Variants in SLC25A37 observed in about 807,000 individuals in gnomAD.
SLC25A37 encodes the protein solute carrier family 25 member 37, also known as mitoferrin-1.
A neutral mutation model predicts 31.0 loss-of-function variants in SLC25A37; 17 were observed. The ratio of observed to expected loss-of-function variants is 0.55; its 90% confidence interval spans 0.38 to 0.82. The LOEUF (loss-of-function observed/expected upper bound fraction) is 0.82. Among genes scored for constraint, SLC25A37 ranks in the 40% least tolerant of loss-of-function variants. SLC25A37 has a pLI of 0.00. For missense variants in SLC25A37, 404 were observed against 465.8 expected (o/e 0.87, Z 1.22); for synonymous variants, 222 against 193.0 (o/e 1.15, Z -1.24).
intron 1 of SLC25A37, among the ~76,000 whole-genome samples, chr8:23,546,528 G>GGTGTATATATATATATATATATATA (rs746945467): frequency 2.3e-3 from 178 of 78,468 alleles, no homozygotes; most frequent in Non-Finnish European, 3.4e-3. Flanking sequence ...TATATATATA[G>GGTGTATATATATATATATATATATA]GTGTATATAT....
intron 1 of SLC25A37, among the ~76,000 whole-genome samples, chr8:23,561,238 C>T (rs933682209): frequency 7.6e-6 from 1 of 131,264 alleles, no homozygotes; most frequent in African/African-American, 3.0e-5. Flanking sequence ...ACCCAGTTGA[C>T]CTTTTTTTTT....
rs966297899 is a variant in SLC25A37, at chr8:23,543,797, A to G, written c.210+14585A>G. Among the ~76,000 whole-genome samples the G allele has an allele frequency of 4.6e-5, 7 of 152,090 alleles. No homozygotes were observed. The Middle Eastern group carries it at 0.017, about 370-fold the overall frequency. On this transcript the variant is annotated intron_variant, in intron 1 of 3. Coordinates refer to ENST00000519973, the MANE Select transcript of SLC25A37 (RefSeq NM_016612.4). ...TTGATCTGCTTGCCTCGGCCTCCCA[A>G]GATGCTGGGATTACAGGCGTGAGCC...
chr8:23,540,839 C>T (rs2314683), intron 1 of SLC25A37, among the ~76,000 whole-genome samples: 56,662 of 151,840 alleles, frequency 0.37, 12,232 homozygotes, highest in East Asian at 0.61. Flanking sequence ...GGTCCGCTTA[C>T]GCATGTAGTG....
intron 2 of SLC25A37, chr8:23,567,414 C>G (rs766051429): frequency 6.6e-6 from 1 of 152,298 alleles, no homozygotes; most frequent in Admixed American, 6.5e-5. Context: ...AACTGCCTTA[C>G]GTAATGGTTT....
Position 23,574,813 on chromosome 8 carries a change from T to A in SLC25A37, c.*2958T>A, listed in dbSNP as rs1398232. The A allele has an allele frequency of 1, 155,103 of 155,464 alleles. 77,372 individuals carry two copies. Among genetic ancestry groups the A allele is most frequent in the Middle Eastern group, 1 (1,918 of 1,918 alleles). The allele number at this position is 155,464 out of a possible 1,614,324, so 9.6% of individuals were successfully genotyped here. A position where few individuals can be genotyped will look rare whatever the true frequency, so the allele number is the denominator to read the frequency against. On this transcript the variant is annotated 3_prime_UTR_variant, in exon 4 of 4. Coordinates refer to ENST00000519973, the MANE Select transcript of SLC25A37 (RefSeq NM_016612.4). ...CCCTGGTGACCAATTCAGTGTAACC[T>A]TTGCACGTACTCAGTCATTGGTGTC...
intron 3 of SLC25A37, among the ~76,000 whole-genome samples, chr8:23,570,473 T>G (rs1802794057): frequency 6.6e-6 from 1 of 152,130 alleles, no homozygotes; most frequent in East Asian, 1.9e-4. Context: ...AACCTAAAAA[T>G]GCCCAAATAA....
intron 1 of SLC25A37, among the ~76,000 whole-genome samples, chr8:23,560,389 T>C (rs1215918037): frequency 2.0e-5 from 3 of 152,262 alleles, no homozygotes; most frequent in Admixed American, 6.5e-5. Flanking sequence ...CTGAGGCTGC[T>C]GCAGGGTTGA....
At position 23,566,506 on chromosome 8, in the gene SLC25A37, A is replaced by ACG. The variant is rs1563266472; in HGVS notation, c.439+178_439+179dup. On this transcript the variant is annotated intron_variant, in intron 2 of 3. Transcript: ENST00000519973. ...CACCCAGACACACGCACGCACACAC[A>ACG]CGCGCGCGCACACACATGCTTTTTT... 3.6e-6 allele frequency: 5 copies of ACG among 1,381,302 alleles called. No individual in the cohort carries two copies. The South Asian group carries it at 5.3e-5, about 15-fold the overall frequency. 85.6% of individuals were successfully genotyped at this position (1,381,302 alleles called of 1,614,324 possible).
chr8:23,567,826 GTTTTTTTTTTTTT>G (rs542715318), intron 2 of SLC25A37: 1,208 of 111,632 alleles, frequency 0.011, 80 homozygotes, highest in Admixed American at 0.1. Flanking sequence ...CTCTTGCCCA[GTTTTTTTTTTTTT>G]TTTTTTTTTT....
Position 23,572,186 on chromosome 8 carries a change from G to T in SLC25A37, c.*331G>T. On this transcript the variant is annotated 3_prime_UTR_variant, in exon 4 of 4. Transcript: ENST00000519973. ...GATCCCAGAGGAGGGAAGAAAATTTGCAGTGACTGAAAACAGTAAAAAAAA... is the reference window on the plus strand; with the variant it reads ...GATCCCAGAGGAGGGAAGAAAATTTTCAGTGACTGAAAACAGTAAAAAAAA... 8.4e-6 allele frequency: 1 copy of T among 118,996 alleles called. No individual in the cohort carries two copies. Among genetic ancestry groups the T allele is most frequent in the Non-Finnish European group, 1.5e-5 (1 of 67,952 alleles). 7.4% of individuals were successfully genotyped at this position (118,996 alleles called of 1,614,324 possible).
chr8:23,565,174 TCTAC>T (rs1490636192), intron 1 of SLC25A37, among the ~76,000 whole-genome samples: 3 of 152,220 alleles, frequency 2.0e-5, no homozygotes, highest in African/African-American at 7.2e-5. Context: ...TACAGGTTAA[TCTAC>T]TTTATTCAGA....
intron 3 of SLC25A37, among the ~76,000 whole-genome samples, chr8:23,569,572 G>A (rs755541034): frequency 1.3e-5 from 2 of 152,218 alleles, no homozygotes; most frequent in South Asian, 2.1e-4. Flanking sequence ...AGATGTGAAC[G>A]TGGAGAGAAT....
chr8:23,534,126 T>C (rs1801716687), intron 1 of SLC25A37, among the ~76,000 whole-genome samples: 1 of 152,078 alleles, frequency 6.6e-6, no homozygotes, highest in Non-Finnish European at 1.5e-5. Flanking sequence ...TTTTTTTGTA[T>C]TTTTTTGTAG....
At chr8:23,552,935 G>A (rs192956897) in intron 1 of SLC25A37, among the ~76,000 whole-genome samples, 4 of 152,290 alleles carry the variant, frequency 2.6e-5, no homozygotes, top group Admixed American at 1.3e-4. Flanking sequence ...CAGAGCTGCC[G>A]GGCTGCAGCG....
intron 2 of SLC25A37, chr8:23,566,613 T>C: frequency 8.9e-7 from 1 of 1,125,208 alleles, no homozygotes; most frequent in Non-Finnish European, 1.1e-6. Context: ...GGTTTTCTTT[T>C]GTATTTTTTT....
rs767238175 is a variant in SLC25A37, at chr8:23,573,940, G to A, written c.*2085G>A. The A allele has an allele frequency of 3.1e-4, 123 of 391,574 alleles. No homozygotes were observed. Among genetic ancestry groups the A allele is most frequent in the Non-Finnish European group, 4.9e-4 (92 of 188,876 alleles). 24.3% of individuals were successfully genotyped at this position (391,574 alleles called of 1,614,324 possible). A position where few individuals can be genotyped will look rare whatever the true frequency, so the allele number is the denominator to read the frequency against. On this transcript the variant is annotated 3_prime_UTR_variant, in exon 4 of 4. Coordinates refer to ENST00000519973, the MANE Select transcript of SLC25A37 (RefSeq NM_016612.4). ...TCCGCTCTCAACCTGCCTTGGGTTC[G>A]TGTTAAATGGTGTTAAATTCTGCAA...
At chr8:23,542,797 T>C (rs1037850593) in intron 1 of SLC25A37, among the ~76,000 whole-genome samples, 1 of 150,960 alleles carries the variant, frequency 6.6e-6, no homozygotes, top group African/African-American at 2.4e-5. Context: ...GGACAAGATG[T>C]GGAGGTGGAA....
intron 1 of SLC25A37, chr8:23,541,796 C>G (rs2117397061): frequency 6.6e-6 from 1 of 152,616 alleles, no homozygotes; most frequent in Admixed American, 6.5e-5. Flanking sequence ...GGCTGATGAT[C>G]AGATCCAGGG....
intron 1 of SLC25A37, among the ~76,000 whole-genome samples, chr8:23,542,678 C>CTT (rs35952455): frequency 1.1e-5 from 1 of 93,092 alleles, no homozygotes; most frequent in African/African-American, 4.8e-5. Flanking sequence ...CGCCCCTGGC[C>CTT]TTTTTTTTTT....
Sources: gnomAD v4.1 joint callset for allele counts (sites outside exome capture counted in the v4.1 genomes callset) on GRCh38, gnomAD v4.1.1 for gene constraint, MANE v1.5 for transcripts, NCBI Gene and HGNC (gene_info 2026-07-23, HGNC 2026-07-21) for gene names.